Variants in SH3RF1 observed in about 807,000 individuals in gnomAD.
SH3RF1 encodes E3 ubiquitin-protein ligase SH3RF1.
Under a neutral mutation model 74.0 loss-of-function variants are expected in SH3RF1, and 32 were observed. That is an observed-to-expected ratio of 0.43 (90% CI 0.33 to 0.58). The LOEUF (loss-of-function observed/expected upper bound fraction) is 0.58, where lower values mean the gene tolerates loss of function less well. SH3RF1 is among the 20% of genes least tolerant of loss of function. The pLI, the probability that SH3RF1 is intolerant of heterozygous loss-of-function variation, is 0.05. For synonymous variants in SH3RF1, 396 were observed against 439.6 expected (o/e 0.90, Z 1.24); for missense variants, 954 against 1,130.9 (o/e 0.84, Z 2.24).
At chr4:169,124,994 A>C (rs1733501247) in intron 6 of SH3RF1, among the ~76,000 whole-genome samples, 1 of 151,770 alleles carries the variant, frequency 6.6e-6, no homozygotes, top group African/African-American at 2.4e-5. Flanking sequence ...TCTCTACTAC[A>C]GGCAAAAAAC....
intron 2 of SH3RF1, among the ~76,000 whole-genome samples, chr4:169,194,486 T>C (rs1734778176): frequency 6.6e-6 from 1 of 152,218 alleles, no homozygotes. Context: ...TATTCTTTTG[T>C]GTCTGGCTTC....
At chr4:169,192,418 A>G (rs758611786) in intron 2 of SH3RF1, among the ~76,000 whole-genome samples, 3 of 152,202 alleles carry the variant, frequency 2.0e-5, no homozygotes, top group Non-Finnish European at 2.9e-5. Flanking sequence ...GGGAAATGCA[A>G]ATGAAAACCA....
intron 2 of SH3RF1, among the ~76,000 whole-genome samples, chr4:169,185,290 C>T (rs981442499): frequency 3.9e-5 from 6 of 152,138 alleles, no homozygotes; most frequent in African/African-American, 1.4e-4. Flanking sequence ...AAGAGAGAAA[C>T]AGCGGTGGGA....
At chr4:169,197,786 C>T (rs967092304) in intron 2 of SH3RF1, among the ~76,000 whole-genome samples, 1 of 152,012 alleles carries the variant, frequency 6.6e-6, no homozygotes, top group Non-Finnish European at 1.5e-5. Flanking sequence ...ACTACTACAA[C>T]TAATAAATGA....
chr4:169,156,364 T>G (rs772872703), intron 3 of SH3RF1, 40 bp downstream of exon 3: 1 of 1,520,266 alleles, frequency 6.6e-7, no homozygotes, highest in South Asian at 1.3e-5. Flanking sequence ...GGTACAGAGG[T>G]AGAGCTGGCA....
chr4:169,212,087 A>ATTTTT (rs1730386905), intron 2 of SH3RF1, among the ~76,000 whole-genome samples: 2 of 108,694 alleles, frequency 1.8e-5, no homozygotes, highest in African/African-American at 3.7e-5. Flanking sequence ...TTTTTGAGAC[A>ATTTTT]GAGTTTTGCT....
In SH3RF1 at chr4:169,120,966, G is replaced by A; in HGVS notation, c.1370C>T (p.Thr457Ile). 4 of 1,613,838 alleles carry A rather than the reference G, an allele frequency of 2.5e-6. No individual in the cohort carries two copies. The highest frequency in any genetic ancestry group is 3.4e-6 in the Non-Finnish European group (4 of 1,179,736). The change falls in exon 8 of 12, where the codon ACT becomes ATT. Residue 457 changes from threonine (T) to isoleucine (I), a missense_variant. Thr to Ile is a moderately conservative substitution (Grantham distance 89). Coordinates refer to ENST00000284637, the MANE Select transcript of SH3RF1 (RefSeq NM_020870.4). ...CTCTAGTTCATCCTCTTTCCGAGGA[G>A]TGTATGGATATATAGCAACATACCT... ...PSVYVAIYPYTPRKEDELELR... is the reference protein window; with the variant it reads ...PSVYVAIYPYIPRKEDELELR...
chr4:169,119,214 C>T (rs926244817), intron 8 of SH3RF1, among the ~76,000 whole-genome samples: 6 of 151,710 alleles, frequency 4.0e-5, no homozygotes, highest in Non-Finnish European at 8.8e-5. Context: ...AGTGATTATC[C>T]TGCCTCAACC....
At chr4:169,229,580 C>T (rs549817572) in intron 2 of SH3RF1, among the ~76,000 whole-genome samples, 2 of 152,036 alleles carry the variant, frequency 1.3e-5, no homozygotes, top group Non-Finnish European at 2.9e-5. Flanking sequence ...AGTCCTCTAA[C>T]TTTGTTTAAC....
intron 2 of SH3RF1, among the ~76,000 whole-genome samples, chr4:169,250,308 C>G (rs1289363959): frequency 1.3e-5 from 2 of 149,862 alleles, no homozygotes; most frequent in Non-Finnish European, 3.0e-5. Flanking sequence ...TACTGCTCAT[C>G]TCTTGGGTTT....
intron 4 of SH3RF1, among the ~76,000 whole-genome samples, chr4:169,148,734 T>G (rs1265123086): frequency 7.2e-5 from 11 of 152,186 alleles, no homozygotes; most frequent in Non-Finnish European, 1.2e-4. Flanking sequence ...TTTTTGGTTC[T>G]GTTTCATAGA....
chr4:169,193,587 T>C (rs1734763462), intron 2 of SH3RF1, among the ~76,000 whole-genome samples: 1 of 152,032 alleles, frequency 6.6e-6, no homozygotes, highest in African/African-American at 2.4e-5. Context: ...AATAGACATT[T>C]ACCCCGTTAC....
chr4:169,239,104 C>A (rs771702267), intron 2 of SH3RF1, among the ~76,000 whole-genome samples: 1 of 152,114 alleles, frequency 6.6e-6, no homozygotes, highest in Non-Finnish European at 1.5e-5. Flanking sequence ...ACATATCTGG[C>A]TCATTTAAGT....
intron 4 of SH3RF1, among the ~76,000 whole-genome samples, chr4:169,146,759 T>C (rs1284134328): frequency 1.3e-5 from 2 of 152,036 alleles, no homozygotes; most frequent in Non-Finnish European, 2.9e-5. Flanking sequence ...AATCATAATT[T>C]GAGGGGAGTG....
At chr4:169,118,580 C>T (rs1046188423) in intron 8 of SH3RF1, among the ~76,000 whole-genome samples, 4 of 151,994 alleles carry the variant, frequency 2.6e-5, no homozygotes, top group Non-Finnish European at 4.4e-5. Flanking sequence ...CTAAGCCTCC[C>T]GAGTAGCTGG....
At chr4:169,206,775 A>C (rs1026958438) in intron 2 of SH3RF1, among the ~76,000 whole-genome samples, 1 of 152,172 alleles carries the variant, frequency 6.6e-6, no homozygotes, top group Non-Finnish European at 1.5e-5. Flanking sequence ...CGTTGCATTC[A>C]TTTTACCAGT....
chr4:169,222,918 T>C (rs917180884), intron 2 of SH3RF1, among the ~76,000 whole-genome samples: 2 of 152,222 alleles, frequency 1.3e-5, no homozygotes, highest in Non-Finnish European at 2.9e-5. Context: ...TGGGCGGCTA[T>C]AAATGCCTGT....
At chr4:169,209,736 A>G (rs1413362748) in intron 2 of SH3RF1, among the ~76,000 whole-genome samples, 1 of 152,168 alleles carries the variant, frequency 6.6e-6, no homozygotes, top group Admixed American at 6.5e-5. Flanking sequence ...ATGTACCGGA[A>G]AGTGTTGGTG....
chr4:169,109,903 G>A (rs978868010), intron 10 of SH3RF1, among the ~76,000 whole-genome samples: 5 of 151,694 alleles, frequency 3.3e-5, no homozygotes, highest in South Asian at 2.1e-4. Flanking sequence ...CATCTACTCC[G>A]GAGCCTGAGG....
Sources: allele counts gnomAD v4.1 joint callset (sites outside exome capture counted in the v4.1 genomes callset), GRCh38; gene constraint gnomAD v4.1.1; transcripts MANE v1.5; gene names NCBI Gene and HGNC (gene_info 2026-07-23, HGNC 2026-07-21).